CARS1: variants seen among roughly 807,000 people sequenced by gnomAD.
CARS1 encodes cysteinyl-tRNA synthetase 1.
Under a neutral mutation model 106.2 loss-of-function variants are expected in CARS1, and 48 were observed. The observed-to-expected ratio is 0.45, with a 90% confidence interval of 0.36 to 0.57. CARS1 has a LOEUF of 0.57. Ranked by LOEUF, CARS1 falls within the 20% of genes least tolerant of loss-of-function variation. CARS1 has a pLI of 0.00. For missense variants in CARS1, 968 were observed against 1,057.2 expected, an observed-to-expected ratio of 0.92 and a Z score of 1.17; for synonymous variants, 409 against 403.4, an observed-to-expected ratio of 1.01 and a Z score of -0.17.
rs1220570036 is a variant in CARS1, at chr11:3,030,051, C to A, written c.802-608G>T. On this transcript the variant is annotated intron_variant, in intron 7 of 22. Coordinates refer to ENST00000380525, the MANE Select transcript of CARS1 (RefSeq NM_001014437.3). This position sits in a 1 kb window ranked among gnomAD's most constrained non-coding sequence, Gnocchi z 5.7. ...CACACACTCTAGGCATGAGACACGCCCCAACTGCACTCATGTCAGAAAAGA... is the reference window on the plus strand; with the variant it reads ...CACACACTCTAGGCATGAGACACGCACCAACTGCACTCATGTCAGAAAAGA... 1.3e-5 allele frequency: 2 copies of A among 152,382 alleles called. No individual in the cohort carries two copies. The highest frequency in any genetic ancestry group is 2.9e-5 in the Non-Finnish European group (2 of 68,274). 9.4% of individuals were successfully genotyped at this position (152,382 alleles called of 1,614,324 possible). A position where few individuals can be genotyped will look rare whatever the true frequency, so the allele number is the denominator to read the frequency against.
intron 20 of CARS1, among the ~76,000 whole-genome samples, chr11:3,005,077 C>T (rs1849725032): frequency 7.5e-6 from 1 of 134,040 alleles, no homozygotes; most frequent in South Asian, 2.3e-4. Context: ...CACTGCACTC[C>T]AGTCTGAGCA....
rs1851527451 is a variant in CARS1, at chr11:3,021,061, G to C, written c.1154-729C>G. ...CAGAGGGATGAGAAATAACCCCTTG[G>C]TGAATTCCATGCATTGACTCGGTGA... On this transcript the variant is annotated intron_variant, in intron 10 of 22. Coordinates refer to ENST00000380525, the MANE Select transcript of CARS1 (RefSeq NM_001014437.3). The surrounding 1 kb of genome is among the most constrained non-coding windows in gnomAD (Gnocchi z 5.3). 6.6e-6 allele frequency among the ~76,000 whole-genome samples: 1 copy of C among 152,142 alleles called. No individual in the cohort carries two copies. Among genetic ancestry groups the C allele is most frequent in the South Asian group, 2.1e-4 (1 of 4,828 alleles).
rs539963146 is a variant in CARS1, at chr11:3,004,749, G to A, written c.2217+617C>T. 1.4e-4 allele frequency among the ~76,000 whole-genome samples: 21 copies of A among 152,204 alleles called. No homozygotes were observed. The highest frequency in any genetic ancestry group is 2.1e-4 in the Non-Finnish European group (14 of 68,040). On this transcript the variant is annotated intron_variant, in intron 20 of 22. Coordinates refer to ENST00000380525, the MANE Select transcript of CARS1 (RefSeq NM_001014437.3). The surrounding 1 kb of genome is among the most constrained non-coding windows in gnomAD (Gnocchi z 5.2). ...CAGGTGGGGAGTATGCTGGGAATAG[G>A]AGGTGGAGATGCATCAGTGACACGC...
intron 1 of CARS1, among the ~76,000 whole-genome samples, chr11:3,049,965 G>A (rs1590564252): frequency 6.6e-6 from 1 of 152,132 alleles, no homozygotes; most frequent in African/African-American, 2.4e-5. Context: ...GGCACTTCCC[G>A]GAACGCTGTG....
intron 7 of CARS1, among the ~76,000 whole-genome samples, chr11:3,036,259 C>T (rs959881302): frequency 9.8e-5 from 15 of 152,300 alleles, no homozygotes; most frequent in Admixed American, 6.5e-5. Context: ...AACTCGATGC[C>T]GAGTCTCATG....
intron 16 of CARS1, 56 bp from the exon 17 acceptor site, chr11:3,015,905 G>T: frequency 6.9e-7 from 1 of 1,444,376 alleles, no homozygotes; most frequent in Non-Finnish European, 9.7e-7. Flanking sequence ...GCGGCATGTG[G>T]CGAGCAGCTG....
intron 10 of CARS1, among the ~76,000 whole-genome samples, chr11:3,026,439 A>T (rs531981119): frequency 3.1e-4 from 47 of 152,330 alleles, no homozygotes; most frequent in Non-Finnish European, 6.3e-4. Flanking sequence ...TTAAGACATC[A>T]CATGTTCCCC....
chr11:3,013,903 C>G (rs1434125421), intron 17 of CARS1, among the ~76,000 whole-genome samples: 4 of 152,096 alleles, frequency 2.6e-5, no homozygotes, highest in African/African-American at 7.2e-5. Flanking sequence ...TCAGCGGCCA[C>G]GACACAGGGC....
At chr11:3,032,728 G>C (rs1352148985) in intron 7 of CARS1, among the ~76,000 whole-genome samples, 1 of 152,012 alleles carries the variant, frequency 6.6e-6, no homozygotes, top group Non-Finnish European at 1.5e-5. Flanking sequence ...AGAAAGACTA[G>C]CTGCTGTCAG....
chr11:3,026,865 G>A (rs1270537323), intron 9 of CARS1, 68 bp from the exon 10 acceptor site: 5 of 1,545,844 alleles, frequency 3.2e-6, no homozygotes, highest in South Asian at 1.2e-5. Context: ...CAGGATGACA[G>A]TAACAAAATA....
chr11:3,042,193 T>C lies in CARS1; in HGVS notation c.338A>G (p.His113Arg). 2 of 1,613,932 alleles carry C rather than the reference T, an allele frequency of 1.2e-6. No homozygotes were observed. The highest frequency in any genetic ancestry group is 8.5e-7 in the Non-Finnish European group (1 of 1,179,966). ...GTTCCTGGTGAGGCTGTTGTAAAGG[T>C]GGAGTCTGCATGGCTGGGTCCCAGC... The part of the protein sequence containing the change: ...PPAGTQPCRL[H>R]LYNSLTRNKE... The change falls in exon 3 of 23, where the codon CAC becomes CGC. Residue 113 changes from histidine (H) to arginine (R), a missense_variant. Physicochemically the swap from His to Arg is conservative, Grantham distance 29 (BLOSUM62 0). Transcript: ENST00000380525.
chr11:3,024,422 T>G (rs1483698743), intron 10 of CARS1, among the ~76,000 whole-genome samples: 3 of 151,976 alleles, frequency 2.0e-5, no homozygotes, highest in Admixed American at 2.0e-4. Flanking sequence ...CTGTCAGTGT[T>G]GGTATCTTTT....
At chr11:3,018,096 A>G (rs1271569126) in intron 14 of CARS1, 142 bp from the exon 15 acceptor site, 2 of 634,726 alleles carry the variant, frequency 3.2e-6, no homozygotes, top group Non-Finnish European at 5.5e-6. Context: ...AAAGAAAGGA[A>G]AAGATATTTC....
At chr11:3,024,779 GTGACAGAATGAGGGCTCCT>G (rs1851893880) in intron 10 of CARS1, among the ~76,000 whole-genome samples, 1 of 152,304 alleles carries the variant, frequency 6.6e-6, no homozygotes, top group African/African-American at 2.4e-5. Flanking sequence ...TCGCTCCATG[GTGACAGAATGAGGGCTCCT>G]TGACAGAATG....
rs761912748 is a variant in CARS1 at position 3,019,100 on chromosome 11, T to C, written c.1395+39A>G. The C allele has an allele frequency of 2.3e-5, 34 of 1,496,372 alleles. No homozygotes were observed. The Admixed American group carries it at 8.4e-4, about 37-fold the overall frequency. 92.7% of individuals were successfully genotyped at this position (1,496,372 alleles called of 1,614,324 possible). On this transcript the variant is annotated intron_variant, in intron 12 of 22. Transcript: ENST00000380525. This position sits in a 1 kb window ranked among gnomAD's most constrained non-coding sequence, Gnocchi z 6.2. ...TTCCTCCACTGCAGTATGAACACTG[T>C]GCTCTTGCACCTGACAAGGGGACTC... is the stretch of plus-strand genomic sequence containing the variant.
chr11:3,034,131 T>A lies in CARS1; in HGVS notation c.801+3919A>T, dbSNP rs572373. On this transcript the variant is annotated intron_variant, in intron 7 of 22. Transcript: ENST00000380525. This position sits in a 1 kb window ranked among gnomAD's most constrained non-coding sequence, Gnocchi z 6.3. ...AACAGAATTAAGAGACACAAACACA[T>A]GCCAACATGTAACAGAGATGAATTC... Among the ~76,000 whole-genome samples, 2 of 151,940 alleles carry A rather than the reference T, an allele frequency of 1.3e-5. No individual in the cohort carries two copies. The highest frequency in any genetic ancestry group is 4.8e-5 in the African/African-American group (2 of 41,350).
At chr11:3,027,977 AC>A in intron 9 of CARS1, 1 of 414,528 alleles carries the variant, frequency 2.4e-6, no homozygotes, top group South Asian at 1.7e-5. Flanking sequence ...CGGAGGCCTA[AC>A]CGTCTCCCTG....
At position 3,039,047 on chromosome 11, in the gene CARS1, T is replaced by C. The variant is rs1356800935; in HGVS notation, c.651+147A>G. On this transcript the variant is annotated intron_variant, in intron 6 of 22. Coordinates refer to ENST00000380525, the MANE Select transcript of CARS1 (RefSeq NM_001014437.3). The surrounding 1 kb of genome is among the most constrained non-coding windows in gnomAD (Gnocchi z 5.6). Reference sequence around the variant, plus strand: ...GCCAGGGGACCTTACCTATGGAGACTTCAGCGCCCCTGACGGAACTGGCTT... The same window carrying C: ...GCCAGGGGACCTTACCTATGGAGACCTCAGCGCCCCTGACGGAACTGGCTT... 3.5e-6 allele frequency: 2 copies of C among 575,944 alleles called. No homozygotes were observed. The highest frequency in any genetic ancestry group is 6.6e-5 in the Admixed American group (2 of 30,436). The allele number at this position is 575,944 out of a possible 1,614,324, so 35.7% of individuals were successfully genotyped here.
At position 3,019,064 on chromosome 11, in the gene CARS1, T is replaced by TGG; in HGVS notation, c.1395+73_1395+74dup. 1 of 1,463,728 alleles carries TGG rather than the reference T, an allele frequency of 6.8e-7. No individual in the cohort carries two copies. Among genetic ancestry groups the TGG allele is most frequent in the Non-Finnish European group, 9.1e-7 (1 of 1,099,812 alleles). The allele number at this position is 1,463,728 out of a possible 1,614,324, so 90.7% of individuals were successfully genotyped here. A position where few individuals can be genotyped will look rare whatever the true frequency, so the allele number is the denominator to read the frequency against. On this transcript the variant is annotated intron_variant, in intron 12 of 22. Coordinates refer to ENST00000380525, the MANE Select transcript of CARS1 (RefSeq NM_001014437.3). The surrounding 1 kb of genome is among the most constrained non-coding windows in gnomAD (Gnocchi z 6.2). ...TAGTGAGAGAGGCCCTTCTGAGGCC[T>TGG]GGGCTGACTTTTCCTCCACTGCAGT...
Sources: allele counts gnomAD v4.1 joint callset (sites outside exome capture counted in the v4.1 genomes callset), GRCh38; gene constraint gnomAD v4.1.1; non-coding constraint Gnocchi (gnomAD v3.1); transcripts MANE v1.5; gene names NCBI Gene and HGNC (gene_info 2026-07-23, HGNC 2026-07-21).